Variants in KCNAB1 observed in about 807,000 individuals in gnomAD.
KCNAB1 encodes potassium voltage-gated channel subfamily A regulatory beta subunit 1.
A neutral mutation model predicts 64.6 loss-of-function variants in KCNAB1; 35 were observed. The ratio of observed to expected loss-of-function variants is 0.54; its 90% CI spans 0.41 to 0.72. The LOEUF is 0.72. Ranked by LOEUF, KCNAB1 falls within the 30% of genes least tolerant of loss-of-function variation. The probability of loss-of-function intolerance (pLI) is 0.00; values close to 1 mark genes in which losing one functional copy is unlikely to be tolerated. For missense variants in KCNAB1, 401 were observed against 512.9 expected (o/e 0.78, Z 2.11); for synonymous variants, 177 against 183.8 (o/e 0.96, Z 0.30).
intron 1 of KCNAB1, among the ~76,000 whole-genome samples, chr3:156,349,968 C>A (rs1724746613): frequency 6.6e-6 from 1 of 152,152 alleles, no homozygotes; most frequent in Non-Finnish European, 1.5e-5. Context: ...GTTCTCTAAT[C>A]TGGATTTTCT....
At chr3:156,142,038 C>T (rs1286909838) in intron 1 of KCNAB1, among the ~76,000 whole-genome samples, 1 of 152,184 alleles carries the variant, frequency 6.6e-6, no homozygotes, top group East Asian at 1.9e-4. Context: ...TATGTGCCAT[C>T]TGTATATCTT....
At chr3:156,352,998 A>G (rs896507317) in intron 1 of KCNAB1, among the ~76,000 whole-genome samples, 9 of 152,258 alleles carry the variant, frequency 5.9e-5, no homozygotes, top group African/African-American at 2.2e-4. Flanking sequence ...CACATCTAAC[A>G]TGCCAGTGGA....
intron 8 of KCNAB1, among the ~76,000 whole-genome samples, chr3:156,499,996 G>C (rs376528060): frequency 6.6e-6 from 1 of 152,304 alleles, no homozygotes; most frequent in East Asian, 1.9e-4. Flanking sequence ...TCTTTTCCAA[G>C]ATTGCCAGTT....
chr3:156,122,684 G>A (rs1315160352), intron 1 of KCNAB1, among the ~76,000 whole-genome samples: 2 of 152,144 alleles, frequency 1.3e-5, no homozygotes, highest in Non-Finnish European at 2.9e-5. Context: ...TAAAAGGGTT[G>A]AAAAAGAGTG....
chr3:156,274,528 A>G (rs759056528), intron 1 of KCNAB1, among the ~76,000 whole-genome samples: 80 of 152,094 alleles, frequency 5.3e-4, no homozygotes, highest in Non-Finnish European at 4.4e-4. Context: ...TCTTTTAACT[A>G]GGAAATTTAT....
intron 12 of KCNAB1, among the ~76,000 whole-genome samples, chr3:156,526,597 C>G (rs9837495): frequency 0.46 from 70,335 of 152,060 alleles, 16,871 homozygotes; most frequent in East Asian, 0.6. Flanking sequence ...AGGCTACACA[C>G]TGGGCAGAAA....
chr3:156,532,226 A>G (rs1401559392), intron 13 of KCNAB1, among the ~76,000 whole-genome samples: 1 of 152,200 alleles, frequency 6.6e-6, no homozygotes, highest in African/African-American at 2.4e-5. Context: ...TGGGGCCTGC[A>G]GCCATATTCT....
rs552904393 is a variant in KCNAB1 at position 156,386,433 on chromosome 3, A to G, written c.276-35183A>G. Among the ~76,000 whole-genome samples the G allele has an allele frequency of 4.6e-5, 7 of 152,236 alleles. No homozygotes were observed. In the South Asian group the frequency reaches 1.5e-3, roughly 32 times the overall value. On this transcript the variant is annotated intron_variant, in intron 1 of 13. Transcript: ENST00000490337. ...CCTTGGAAGGTCGTTCTCTGCCATTATGTCTCTTAATGCACATGACAGGGA... is the reference window on the plus strand; with the variant it reads ...CCTTGGAAGGTCGTTCTCTGCCATTGTGTCTCTTAATGCACATGACAGGGA...
intron 1 of KCNAB1, among the ~76,000 whole-genome samples, chr3:156,223,845 T>G (rs1423189817): frequency 6.6e-6 from 1 of 152,220 alleles, no homozygotes; most frequent in Non-Finnish European, 1.5e-5. Context: ...CCCAGCTGGC[T>G]TCACCCAGTG....
At chr3:156,480,578 T>C (rs1291404893) in intron 8 of KCNAB1, among the ~76,000 whole-genome samples, 1 of 151,980 alleles carries the variant, frequency 6.6e-6, no homozygotes, top group Non-Finnish European at 1.5e-5. Context: ...TGAGGTTAGT[T>C]ATTATATTTT....
chr3:156,406,808 C>T (rs149607109), intron 1 of KCNAB1, among the ~76,000 whole-genome samples: 83 of 152,152 alleles, frequency 5.5e-4, no homozygotes, highest in African/African-American at 1.9e-3. Flanking sequence ...GGGGTACAGA[C>T]GGGAAGTAGA....
intron 1 of KCNAB1, among the ~76,000 whole-genome samples, chr3:156,263,506 C>G (rs1373867165): frequency 6.6e-6 from 1 of 151,820 alleles, no homozygotes; most frequent in Non-Finnish European, 1.5e-5. Flanking sequence ...TAGCATGAAC[C>G]CTTTTAATAT....
rs1361052315 is a variant in KCNAB1 at position 156,440,150 on chromosome 3, AGAGTTCATCCT to A, written c.320-12745_320-12735del. Among the ~76,000 whole-genome samples the A allele has an allele frequency of 2.6e-5, 4 of 152,338 alleles. No individual in the cohort carries two copies. In the East Asian group the frequency reaches 7.7e-4, roughly 29 times the overall value. ...GGTTTTGTATAGTCTCTGGGGATAC[AGAGTTCATCCT>A]GAGATGTTGTTAATCTCGAAACTGT... is the stretch of plus-strand genomic sequence containing the variant. On this transcript the variant is annotated intron_variant, in intron 2 of 13. Transcript: ENST00000490337.
intron 2 of KCNAB1, among the ~76,000 whole-genome samples, chr3:156,436,974 A>T (rs1576863608): frequency 6.6e-6 from 1 of 152,246 alleles, no homozygotes; most frequent in Middle Eastern, 3.4e-3. Flanking sequence ...TTTTGTCAGG[A>T]AGTCTTTGCC....
intron 1 of KCNAB1, among the ~76,000 whole-genome samples, chr3:156,178,565 C>CCA (rs1712551587): frequency 6.6e-6 from 1 of 152,104 alleles, no homozygotes; most frequent in Non-Finnish European, 1.5e-5. Flanking sequence ...CATTAAGAGT[C>CCA]TATTGGATTG....
chr3:156,471,427 A>G (rs749621949), intron 7 of KCNAB1, among the ~76,000 whole-genome samples: 1 of 152,186 alleles, frequency 6.6e-6, no homozygotes, highest in Non-Finnish European at 1.5e-5. Context: ...ACTTTTGAGA[A>G]ATTGCCAGTT....
intron 1 of KCNAB1, among the ~76,000 whole-genome samples, chr3:156,248,291 T>C (rs1717586817): frequency 6.6e-6 from 1 of 152,190 alleles, no homozygotes; most frequent in African/African-American, 2.4e-5. Flanking sequence ...TTATATCCTT[T>C]TTTTGGTACA....
chr3:156,421,078 C>G (rs973781295), intron 1 of KCNAB1, among the ~76,000 whole-genome samples: 1 of 151,446 alleles, frequency 6.6e-6, no homozygotes, highest in African/African-American at 2.4e-5. Flanking sequence ...TAATTCACAT[C>G]CATTAGAATT....
intron 1 of KCNAB1, among the ~76,000 whole-genome samples, chr3:156,235,924 T>C (rs1414811877): frequency 6.6e-6 from 1 of 152,142 alleles, no homozygotes; most frequent in African/African-American, 2.4e-5. Context: ...AAAAGGTACA[T>C]ATAGTCTAAA....
Sources: gnomAD v4.1 joint callset for allele counts (sites outside exome capture counted in the v4.1 genomes callset) on GRCh38, gnomAD v4.1.1 for gene constraint, MANE v1.5 for transcripts, NCBI Gene and HGNC (gene_info 2026-07-23, HGNC 2026-07-21) for gene names.